Variants in CMIP observed in about 807,000 individuals in gnomAD.
CMIP encodes the protein C-Maf-inducing protein.
In CMIP, 13 loss-of-function variants were observed where a neutral mutation model predicts 97.3. That is an observed-to-expected ratio of 0.13 (90% CI 0.09 to 0.21). The LOEUF (loss-of-function observed/expected upper bound fraction) is 0.21. Ranked by LOEUF, CMIP falls within the 10% of genes least tolerant of loss-of-function variation. The pLI is 1.00. For missense variants in CMIP, 847 were observed against 1,024.9 expected (o/e 0.83, Z 2.37); for synonymous variants, 538 against 436.3 (o/e 1.23, Z -2.91).
chr16:81,610,648 A>T (rs1283959684), intron 2 of CMIP: 2 of 484,040 alleles, frequency 4.1e-6, no homozygotes, highest in Non-Finnish European at 5.4e-6. Flanking sequence ...TCTCATCCTC[A>T]CCCCCACACT....
intron 2 of CMIP, among the ~76,000 whole-genome samples, chr16:81,613,972 G>T (rs1366207687): frequency 2.0e-5 from 3 of 152,172 alleles, no homozygotes; most frequent in African/African-American, 2.4e-5. Context: ...CGTGGTTCCT[G>T]ACCTCCCAGA....
intron 3 of CMIP, among the ~76,000 whole-genome samples, chr16:81,623,629 A>G (rs1277724439): frequency 6.6e-6 from 1 of 152,284 alleles, no homozygotes; most frequent in East Asian, 1.9e-4. Flanking sequence ...CTTTGTACCC[A>G]GTTTTGGTGA....
intron 4 of CMIP, among the ~76,000 whole-genome samples, chr16:81,653,952 A>G (rs2092456225): frequency 6.6e-6 from 1 of 152,192 alleles, no homozygotes. Context: ...CAGATGAGGA[A>G]ATTGAGGCCC....
At chr16:81,514,699 G>A (rs1251090606) in intron 1 of CMIP, among the ~76,000 whole-genome samples, 2 of 152,132 alleles carry the variant, frequency 1.3e-5, no homozygotes, top group African/African-American at 2.4e-5. Context: ...CTGGGTCCCC[G>A]TGGGTTTGTT....
chr16:81,559,892 A>T (rs1483783941), intron 1 of CMIP, among the ~76,000 whole-genome samples: 1 of 152,180 alleles, frequency 6.6e-6, no homozygotes, highest in African/African-American at 2.4e-5. Context: ...TCATGCCTGT[A>T]ATCCCAGCAC....
intron 3 of CMIP, among the ~76,000 whole-genome samples, chr16:81,642,455 G>A (rs1425191103): frequency 2.0e-5 from 3 of 152,204 alleles, no homozygotes; most frequent in Non-Finnish European, 4.4e-5. Flanking sequence ...CAGTAATTGT[G>A]TGGGGTAAAT....
At chr16:81,671,083 C>G (rs2092679599) in intron 8 of CMIP, among the ~76,000 whole-genome samples, 1 of 152,194 alleles carries the variant, frequency 6.6e-6, no homozygotes, top group South Asian at 2.1e-4. Context: ...CCTGCTTCGG[C>G]CTCCCAAAGT....
At chr16:81,680,221 C>T (rs1451165784) in intron 10 of CMIP, among the ~76,000 whole-genome samples, 1 of 152,180 alleles carries the variant, frequency 6.6e-6, no homozygotes, top group Non-Finnish European at 1.5e-5. Context: ...TCCCTGAGCC[C>T]CTGTGTCGTC....
chr16:81,517,938 T>A (rs1463456615), intron 1 of CMIP: 1 of 984,172 alleles, frequency 1.0e-6, no homozygotes, highest in Non-Finnish European at 1.2e-6. Context: ...ATTCAAGGAT[T>A]TTCTAGGAAA....
chr16:81,492,301 A>C (rs1455139287), intron 1 of CMIP, among the ~76,000 whole-genome samples: 1 of 152,060 alleles, frequency 6.6e-6, no homozygotes, highest in Non-Finnish European at 1.5e-5. Flanking sequence ...TTTTTTTCTT[A>C]AATTAACTTC....
intron 1 of CMIP, among the ~76,000 whole-genome samples, chr16:81,476,853 T>C (rs1190008291): frequency 6.6e-6 from 1 of 152,130 alleles, no homozygotes; most frequent in African/African-American, 2.4e-5. Flanking sequence ...TTCTTTCCTT[T>C]TGTCCTTACT....
intron 3 of CMIP, among the ~76,000 whole-genome samples, chr16:81,634,993 A>G (rs2092216254): frequency 6.6e-6 from 1 of 152,214 alleles, no homozygotes; most frequent in Non-Finnish European, 1.5e-5. Context: ...CAAAGGAAAC[A>G]GAGCCTGTGG....
intron 7 of CMIP, among the ~76,000 whole-genome samples, chr16:81,668,549 G>A (rs1444669704): frequency 6.6e-6 from 1 of 152,154 alleles, no homozygotes; most frequent in Non-Finnish European, 1.5e-5. Context: ...CCCTCAGCCG[G>A]CACAGGCAGT....
intron 1 of CMIP, among the ~76,000 whole-genome samples, chr16:81,489,315 A>G (rs1477229088): frequency 6.6e-6 from 1 of 152,090 alleles, no homozygotes; most frequent in African/African-American, 2.4e-5. Context: ...TTGGTGGGTG[A>G]AGAGGGGAGG....
At chr16:81,696,005 G>T in intron 13 of CMIP, 1 of 161,472 alleles carries the variant, frequency 6.2e-6, no homozygotes. Context: ...AGGGCAGAAG[G>T]CACACACCCA....
intron 1 of CMIP, among the ~76,000 whole-genome samples, chr16:81,504,042 G>A (rs1384229839): frequency 6.6e-6 from 1 of 152,206 alleles, no homozygotes; most frequent in Non-Finnish European, 1.5e-5. Context: ...AAAGGTCAGT[G>A]GGGTTGGGCG....
chr16:81,480,979 G>C (rs9939818), intron 1 of CMIP, among the ~76,000 whole-genome samples: 1 of 152,144 alleles, frequency 6.6e-6, no homozygotes, highest in Non-Finnish European at 1.5e-5. Flanking sequence ...CTTTGACATC[G>C]GTGAGAGCTG....
Position 81,707,096 on chromosome 16 carries a change from C to T in CMIP, c.2268+12C>T. On this transcript the variant is annotated intron_variant, in intron 20 of 20. Transcript: ENST00000537098. ...ACGAAGATCTGAAGGTAATTCCCTC[C>T]TTCCTCCCCACTCTCCTCCCCTCCT... 4 of 1,611,656 alleles carry T rather than the reference C, an allele frequency of 2.5e-6. No individual in the cohort carries two copies. Among genetic ancestry groups the T allele is most frequent in the Non-Finnish European group, 3.4e-6 (4 of 1,177,836 alleles).
At chr16:81,594,161 G>A (rs1353146444) in intron 1 of CMIP, among the ~76,000 whole-genome samples, 1 of 141,770 alleles carries the variant, frequency 7.1e-6, no homozygotes, top group Non-Finnish European at 1.5e-5. Flanking sequence ...TCTGTTGCAT[G>A]GGCTGGAGCG....
Sources: allele counts gnomAD v4.1 joint callset (sites outside exome capture counted in the v4.1 genomes callset), GRCh38; gene constraint gnomAD v4.1.1; transcripts MANE v1.5; gene names NCBI Gene and HGNC (gene_info 2026-07-23, HGNC 2026-07-21).